Variants in DLGAP4 observed in about 807,000 individuals in gnomAD.
The protein encoded by DLGAP4 is DLG associated protein 4.
A neutral mutation model predicts 86.9 loss-of-function variants in DLGAP4; 18 were observed. The ratio of observed to expected loss-of-function variants is 0.21; its 90% CI spans 0.14 to 0.31. DLGAP4 has a LOEUF of 0.31. DLGAP4 is among the 10% of genes least tolerant of loss of function. The probability of loss-of-function intolerance (pLI) is 1.00; values close to 1 mark genes in which losing one functional copy is unlikely to be tolerated. For missense variants in DLGAP4, 1,085 were observed against 1,362.6 expected, an observed-to-expected ratio of 0.80 and a Z score of 3.21; for synonymous variants, 548 against 574.3, an observed-to-expected ratio of 0.95 and a Z score of 0.65.
intron 3 of DLGAP4, among the ~76,000 whole-genome samples, chr20:36,435,362 G>A (rs933888640): frequency 1.3e-5 from 2 of 152,186 alleles, no homozygotes; most frequent in African/African-American, 2.4e-5. Flanking sequence ...AGCCAGCAGA[G>A]CCCGGCTCAG....
chr20:36,362,216 C>T (rs1366069757), intron 1 of DLGAP4, among the ~76,000 whole-genome samples: 3 of 152,044 alleles, frequency 2.0e-5, no homozygotes, highest in Non-Finnish European at 4.4e-5. Flanking sequence ...GCCGAGATCA[C>T]ACCACTGCAC....
At chr20:36,388,604 T>C (rs1455174639) in intron 2 of DLGAP4, among the ~76,000 whole-genome samples, 4 of 152,176 alleles carry the variant, frequency 2.6e-5, no homozygotes. Flanking sequence ...GTCAGACACA[T>C]TGAGTTAGAA....
intron 7 of DLGAP4, among the ~76,000 whole-genome samples, chr20:36,482,306 C>G (rs2035223156): frequency 6.6e-6 from 1 of 152,228 alleles, no homozygotes; most frequent in South Asian, 2.1e-4. Context: ...GCTTTGCACA[C>G]TGGACACACA....
intron 2 of DLGAP4, among the ~76,000 whole-genome samples, chr20:36,399,380 A>G (rs2147480276): frequency 6.6e-6 from 1 of 152,266 alleles, no homozygotes; most frequent in South Asian, 2.1e-4. Context: ...ATAAAATGAG[A>G]CCCATGCCCT....
intron 6 of DLGAP4, among the ~76,000 whole-genome samples, chr20:36,443,197 G>T (rs193123973): frequency 5.3e-5 from 8 of 152,264 alleles, no homozygotes; most frequent in African/African-American, 1.7e-4. Context: ...TTTCTGGAGC[G>T]CCAGGAGGAC....
intron 2 of DLGAP4, among the ~76,000 whole-genome samples, chr20:36,425,771 A>G (rs2032958780): frequency 6.6e-6 from 1 of 152,210 alleles, no homozygotes; most frequent in Non-Finnish European, 1.5e-5. Flanking sequence ...CAGTGAGCCA[A>G]GATCATGCCA....
chr20:36,415,549 A>G (rs2032629032), intron 2 of DLGAP4, among the ~76,000 whole-genome samples: 1 of 152,212 alleles, frequency 6.6e-6, no homozygotes, highest in Non-Finnish European at 1.5e-5. Context: ...TATTTGCTGT[A>G]TGCCAGCCTC....
intron 2 of DLGAP4, among the ~76,000 whole-genome samples, chr20:36,418,620 G>A (rs546652814): frequency 1.1e-4 from 16 of 152,222 alleles, no homozygotes; most frequent in African/African-American, 3.9e-4. Context: ...TCACAGAGAG[G>A]CCAAGTAAGC....
intron 2 of DLGAP4, among the ~76,000 whole-genome samples, chr20:36,408,331 C>T (rs1291798825): frequency 2.0e-5 from 3 of 151,782 alleles, no homozygotes; most frequent in African/African-American, 7.3e-5. Context: ...CGCTAAAGAC[C>T]CCTGGAGGAC....
intron 7 of DLGAP4, among the ~76,000 whole-genome samples, chr20:36,451,469 G>A (rs2033734219): frequency 6.6e-6 from 1 of 152,116 alleles, no homozygotes; most frequent in Admixed American, 6.5e-5. Context: ...TCATGCCTCA[G>A]CCTCCCAAGT....
intron 7 of DLGAP4, among the ~76,000 whole-genome samples, chr20:36,482,010 G>A (rs750982614): frequency 5.3e-5 from 8 of 152,056 alleles, no homozygotes; most frequent in Non-Finnish European, 1.2e-4. Context: ...GTTTTTCTGT[G>A]TCTCTGTCCC....
At chr20:36,307,861 T>G (rs151203980) in intron 1 of DLGAP4, among the ~76,000 whole-genome samples, 1 of 152,224 alleles carries the variant, frequency 6.6e-6, no homozygotes, top group Admixed American at 6.5e-5. Context: ...GAATCAGTTG[T>G]ACAGGACCAT....
intron 7 of DLGAP4, among the ~76,000 whole-genome samples, chr20:36,466,925 GCTCTCTCTCTCTCTCTCTCTGTCT>G (rs1188413429): frequency 7.6e-6 from 1 of 131,020 alleles, no homozygotes; most frequent in African/African-American, 2.9e-5. Context: ...TCTCGCTCTT[GCTCTCTCTCTCTCTCTCTCTGTCT>G]CTCTCTCTCT....
At chr20:36,498,273 ACT>A (rs1223741754) in intron 8 of DLGAP4, 2 of 151,836 alleles carry the variant, frequency 1.3e-5, no homozygotes, top group Admixed American at 1.3e-4. Flanking sequence ...TGGCCAGGAG[ACT>A]CTGCTGCTGT....
chr20:36,482,278 A>C (rs563579299), intron 7 of DLGAP4, among the ~76,000 whole-genome samples: 85 of 152,300 alleles, frequency 5.6e-4, no homozygotes, highest in African/African-American at 2.0e-3. Flanking sequence ...CGAGGTGCAC[A>C]GGGCCTGGCA....
chr20:36,326,157 G>A (rs2065213987), intron 1 of DLGAP4, among the ~76,000 whole-genome samples: 1 of 152,158 alleles, frequency 6.6e-6, no homozygotes, highest in South Asian at 2.1e-4. Flanking sequence ...GGCAGCATAT[G>A]TCAACATACC....
At chr20:36,309,459 G>C (rs2065034051) in intron 1 of DLGAP4, among the ~76,000 whole-genome samples, 1 of 152,182 alleles carries the variant, frequency 6.6e-6, no homozygotes, top group Non-Finnish European at 1.5e-5. Context: ...GGGGAGACTT[G>C]GCCAGGCCAT....
chr20:36,358,635 T>C (rs189986367), intron 1 of DLGAP4, among the ~76,000 whole-genome samples: 1 of 152,034 alleles, frequency 6.6e-6, no homozygotes, highest in Non-Finnish European at 1.5e-5. Flanking sequence ...TGAAACCCTG[T>C]CTCTACTAAA....
At chr20:36,372,233 G>A (rs1204814069) in intron 2 of DLGAP4, among the ~76,000 whole-genome samples, 1 of 152,198 alleles carries the variant, frequency 6.6e-6, no homozygotes, top group Admixed American at 6.5e-5. Context: ...TTATGACTGT[G>A]ACTGCTAAAG....
Sources: allele counts gnomAD v4.1 joint callset (sites outside exome capture counted in the v4.1 genomes callset), GRCh38; gene constraint gnomAD v4.1.1; transcripts MANE v1.5; gene names NCBI Gene and HGNC (gene_info 2026-07-23, HGNC 2026-07-21).